Variants in IL1RAPL2 observed in about 807,000 individuals in gnomAD.
The protein encoded by IL1RAPL2 is interleukin 1 receptor accessory protein like 2, also known as X-linked interleukin-1 receptor accessory protein-like 2.
IL1RAPL2 carries 3 observed loss-of-function variants against 44.1 expected under a neutral mutation model. The observed-to-expected ratio is 0.07, with a 90% CI of 0.03 to 0.18. The LOEUF (loss-of-function observed/expected upper bound fraction) is 0.18. Among genes scored for constraint, IL1RAPL2 ranks in the 10% least tolerant of loss-of-function variants. The pLI, the probability that IL1RAPL2 is intolerant of heterozygous loss-of-function variation, is 1.00. For missense variants in IL1RAPL2, 391 were observed against 496.4 expected, an observed-to-expected ratio of 0.79 and a Z score of 2.02; for synonymous variants, 181 against 178.8, an observed-to-expected ratio of 1.01 and a Z score of -0.10.
At chrX:105,489,787 TTC>T (rs36081932) in intron 6 of IL1RAPL2, among the ~76,000 whole-genome samples, 1,480 of 73,329 alleles carry the variant, frequency 0.02, 34 homozygotes, top group African/African-American at 0.056. Flanking sequence ...CTTTCTCTCT[TTC>T]TCTCTCTCTC....
intron 1 of IL1RAPL2, among the ~76,000 whole-genome samples, chrX:104,644,544 C>A (rs1005027625): frequency 1.3e-4 from 14 of 111,163 alleles, no homozygotes; most frequent in African/African-American, 4.3e-4. Flanking sequence ...CTCCAGAAAC[C>A]TTTTTTTAAT....
intron 1 of IL1RAPL2, among the ~76,000 whole-genome samples, chrX:104,654,052 TC>T (rs762282605): frequency 1.9e-4 from 21 of 110,039 alleles, no homozygotes; most frequent in East Asian, 8.7e-4. Flanking sequence ...AAAGATAATT[TC>T]CCCCCCACCC....
At chrX:105,022,132 C>A (rs2147746975) in intron 2 of IL1RAPL2, among the ~76,000 whole-genome samples, 1 of 110,615 alleles carries the variant, frequency 9.0e-6, no homozygotes, top group Admixed American at 9.7e-5. Flanking sequence ...GATGCAGCAT[C>A]CCATACATTA....
chrX:104,598,274 G>A (rs1357806834), intron 1 of IL1RAPL2, among the ~76,000 whole-genome samples: 1 of 111,708 alleles, frequency 9.0e-6, no homozygotes, highest in African/African-American at 3.3e-5. Flanking sequence ...ATGACTGCTG[G>A]AAGGCAGAGG....
chrX:104,637,796 G>GTGTC (rs1929849497), intron 1 of IL1RAPL2, among the ~76,000 whole-genome samples: 1 of 108,935 alleles, frequency 9.2e-6, no homozygotes, highest in Admixed American at 9.8e-5. Context: ...GTGTGTGTGT[G>GTGTC]TGTGTCTGTG....
At chrX:105,710,952 A>T (rs1367129495) in intron 6 of IL1RAPL2, among the ~76,000 whole-genome samples, 1 of 105,708 alleles carries the variant, frequency 9.5e-6, no homozygotes, top group African/African-American at 3.4e-5. Flanking sequence ...ATATATATAT[A>T]TTTATATATA....
Position 104,762,939 on chromosome X carries a change from C to G in IL1RAPL2, c.82+103944C>G, listed in dbSNP as rs141736804. 7.3e-3 allele frequency among the ~76,000 whole-genome samples: 819 copies of G among 112,190 alleles called. 8 individuals carry two copies. The highest frequency in any genetic ancestry group is 0.024 in the African/African-American group (753 of 30,924). On this transcript the variant is annotated intron_variant, in intron 2 of 10. Coordinates refer to ENST00000372582, the MANE Select transcript of IL1RAPL2 (RefSeq NM_017416.2). ...AGCTGCCATGAAGACCTCTAACATG[C>G]CCTGGAGGCATCTTCCCCATTGTTT...
At chrX:105,392,508 A>G (rs2035533389) in intron 5 of IL1RAPL2, among the ~76,000 whole-genome samples, 1 of 112,073 alleles carries the variant, frequency 8.9e-6, no homozygotes, top group South Asian at 3.7e-4. Flanking sequence ...CTGAATTGTC[A>G]CCAAAATATA....
chrX:105,395,736 C>T (rs976497519), intron 5 of IL1RAPL2, among the ~76,000 whole-genome samples: 3 of 111,953 alleles, frequency 2.7e-5, no homozygotes, highest in African/African-American at 9.7e-5. Context: ...ACCACCCACC[C>T]AGTTTTTTAA....
chrX:105,365,193 A>G (rs1647300940), intron 5 of IL1RAPL2, among the ~76,000 whole-genome samples: 1 of 111,762 alleles, frequency 8.9e-6, no homozygotes, highest in Non-Finnish European at 1.9e-5. Context: ...TTAATATAAT[A>G]TATCACATTT....
chrX:105,449,240 C>T (rs1203088920), intron 5 of IL1RAPL2, among the ~76,000 whole-genome samples: 1 of 111,132 alleles, frequency 9.0e-6, no homozygotes, highest in Non-Finnish European at 1.9e-5. Flanking sequence ...CTCAATGGCA[C>T]TGTGGTTTGT....
chrX:104,847,821 A>G (rs1202462182), intron 2 of IL1RAPL2, among the ~76,000 whole-genome samples: 1 of 111,862 alleles, frequency 8.9e-6, no homozygotes, highest in Non-Finnish European at 1.9e-5. Context: ...CTTCCTATCC[A>G]TGAGCATGGA....
chrX:105,602,795 AAAG>A (rs1438749231), intron 6 of IL1RAPL2, among the ~76,000 whole-genome samples: 1 of 106,037 alleles, frequency 9.4e-6, no homozygotes, highest in Non-Finnish European at 2.0e-5. Context: ...TAAAGTACCA[AAAG>A]AAAAAAAAAA....
At chrX:104,647,784 G>C (rs916504887) in intron 1 of IL1RAPL2, 2 of 533,782 alleles carry the variant, frequency 3.7e-6, no homozygotes, top group Non-Finnish European at 6.8e-6. Flanking sequence ...ACATTAAGTG[G>C]TCGAGAATGG....
chrX:105,035,955 C>CT (rs777416623), intron 2 of IL1RAPL2, among the ~76,000 whole-genome samples: 30 of 111,308 alleles, frequency 2.7e-4, no homozygotes, highest in African/African-American at 8.8e-4. Context: ...CACAGCATTG[C>CT]TTTTTTTTGT....
chrX:104,762,344 A>G (rs113308263), intron 2 of IL1RAPL2, among the ~76,000 whole-genome samples: 2 of 111,299 alleles, frequency 1.8e-5, no homozygotes, highest in South Asian at 7.6e-4. Context: ...CTTTGATTCC[A>G]TGTCTCACCT....
At chrX:105,719,077 A>G (rs1026438370) in intron 7 of IL1RAPL2, among the ~76,000 whole-genome samples, 2 of 112,256 alleles carry the variant, frequency 1.8e-5, no homozygotes, top group African/African-American at 6.5e-5. Flanking sequence ...ACATATATCT[A>G]CAAAAAACTG....
At chrX:105,419,501 T>C (rs970373860) in intron 5 of IL1RAPL2, among the ~76,000 whole-genome samples, 1 of 112,013 alleles carries the variant, frequency 8.9e-6, no homozygotes, top group Non-Finnish European at 1.9e-5. Context: ...CGAATTCTAC[T>C]GAATTGAGAA....
At chrX:105,676,484 C>G (rs1221148581) in intron 6 of IL1RAPL2, among the ~76,000 whole-genome samples, 1 of 111,689 alleles carries the variant, frequency 9.0e-6, no homozygotes, top group Non-Finnish European at 1.9e-5. Flanking sequence ...TTGATGGCAT[C>G]AGACTCAATA....
Sources: allele counts gnomAD v4.1 joint callset (sites outside exome capture counted in the v4.1 genomes callset), GRCh38; gene constraint gnomAD v4.1.1; transcripts MANE v1.5; gene names NCBI Gene and HGNC (gene_info 2026-07-23, HGNC 2026-07-21).